NKAIN2: variants seen among roughly 807,000 people sequenced by gnomAD.
NKAIN2 encodes sodium/potassium transporting ATPase interacting 2.
In NKAIN2, 14 loss-of-function variants were observed where a neutral mutation model predicts 32.6. The ratio of observed to expected loss-of-function variants is 0.43; its 90% CI spans 0.28 to 0.67. The LOEUF is 0.67. NKAIN2 is among the 30% of genes least tolerant of loss of function. The pLI is 0.17. For synonymous variants in NKAIN2, 80 were observed against 87.2 expected (o/e 0.92, Z 0.46); for missense variants, 198 against 258.3 (o/e 0.77, Z 1.60).
intron 1 of NKAIN2, among the ~76,000 whole-genome samples, chr6:124,157,142 A>G (rs908259952): frequency 2.1e-5 from 3 of 145,018 alleles, no homozygotes; most frequent in African/African-American, 7.5e-5. Flanking sequence ...GACCTAACCA[A>G]AGCAGTAACA....
intron 4 of NKAIN2, among the ~76,000 whole-genome samples, chr6:124,777,398 C>A (rs1265833710): frequency 1.3e-5 from 2 of 152,122 alleles, no homozygotes; most frequent in Non-Finnish European, 2.9e-5. Context: ...TACCTATTAG[C>A]AGGTGACTTT....
In NKAIN2 at chr6:124,126,216, T is replaced by C. The variant is rs569357118; in HGVS notation, c.55-156789T>C. Among the ~76,000 whole-genome samples, 3 of 152,176 alleles carry C rather than the reference T, an allele frequency of 2.0e-5. No homozygotes were observed. The South Asian group carries it at 6.2e-4, about 32-fold the overall frequency. On this transcript the variant is annotated intron_variant, in intron 1 of 6. Transcript: ENST00000368417. ...GTCTATCTTTCTCCCTCTAATACTC[T>C]AGCTCCAAAAATATTTCAGTCACAC...
chr6:124,550,963 A>G (rs192386260), intron 3 of NKAIN2, among the ~76,000 whole-genome samples: 35 of 152,312 alleles, frequency 2.3e-4, no homozygotes, highest in African/African-American at 8.4e-4. Flanking sequence ...AGAGAGTAGA[A>G]TTCAACCTAA....
Position 123,964,893 on chromosome 6 carries a change from C to T in NKAIN2, c.54+160639C>T, listed in dbSNP as rs1159260761. Among the ~76,000 whole-genome samples, 1 of 152,168 alleles carries T rather than the reference C, an allele frequency of 6.6e-6. No individual in the cohort carries two copies. Among genetic ancestry groups the T allele is most frequent in the African/African-American group, 2.4e-5 (1 of 41,448 alleles). Reference sequence around the variant, plus strand: ...TTTTGCTCATGTTCTCACCTTGTACCTATCACCAGTTCCCTTTTTGCCCTC... The same window carrying T: ...TTTTGCTCATGTTCTCACCTTGTACTTATCACCAGTTCCCTTTTTGCCCTC... On this transcript the variant is annotated intron_variant, in intron 1 of 6. Coordinates refer to ENST00000368417, the MANE Select transcript of NKAIN2 (RefSeq NM_001040214.3). The surrounding 1 kb of genome is among the most constrained non-coding windows in gnomAD (Gnocchi z 4.0).
chr6:124,372,444 G>C (rs1346450345), intron 3 of NKAIN2, among the ~76,000 whole-genome samples: 3 of 152,046 alleles, frequency 2.0e-5, no homozygotes, highest in African/African-American at 7.2e-5. Context: ...GCCCTTCCCA[G>C]ATAGAGAAAA....
intron 3 of NKAIN2, among the ~76,000 whole-genome samples, chr6:124,603,153 A>G (rs1236572920): frequency 6.6e-6 from 1 of 152,012 alleles, no homozygotes; most frequent in Non-Finnish European, 1.5e-5. Flanking sequence ...AGAAAAAAAC[A>G]TAAAAACAAA....
chr6:124,002,077 G>C (rs1007182432), intron 1 of NKAIN2, among the ~76,000 whole-genome samples: 3 of 151,728 alleles, frequency 2.0e-5, no homozygotes, highest in African/African-American at 4.8e-5. Flanking sequence ...AGTTGAAAAA[G>C]GAAATATCTT....
intron 4 of NKAIN2, among the ~76,000 whole-genome samples, chr6:124,757,961 T>C (rs1023239398): frequency 1.3e-5 from 2 of 152,160 alleles, no homozygotes; most frequent in South Asian, 2.1e-4. Context: ...ATTCTCTTTA[T>C]TGAGGGAAGA....
At chr6:124,037,382 A>G (rs1198052078) in intron 1 of NKAIN2, among the ~76,000 whole-genome samples, 1 of 152,170 alleles carries the variant, frequency 6.6e-6, no homozygotes, top group African/African-American at 2.4e-5. Context: ...TTTTATATCA[A>G]TAATCTTTCT....
At chr6:124,086,247 C>G (rs1339117491) in intron 1 of NKAIN2, among the ~76,000 whole-genome samples, 10 of 151,900 alleles carry the variant, frequency 6.6e-5, no homozygotes, top group Admixed American at 2.0e-4. Flanking sequence ...GATGATTGAG[C>G]TTTTGTGTTT....
At chr6:124,709,025 T>C (rs1330644016) in intron 4 of NKAIN2, among the ~76,000 whole-genome samples, 4 of 134,550 alleles carry the variant, frequency 3.0e-5, no homozygotes, top group African/African-American at 1.2e-4. Flanking sequence ...CAATACCTAA[T>C]TTATTGAGAG....
At position 123,804,052 on chromosome 6, in the gene NKAIN2, C is replaced by G; in HGVS notation, c.-149C>G. On this transcript the variant is annotated 5_prime_UTR_variant, in exon 1 of 7. Coordinates refer to ENST00000368417, the MANE Select transcript of NKAIN2 (RefSeq NM_001040214.3). The stretch of plus-strand genomic sequence containing the variant: ...CGCCAGCAGGTCCTAATGCCTGTCA[C>G]TTCCCAGGACGCTGGCAGCAGCAGC... 1 of 783,434 alleles carries G rather than the reference C, an allele frequency of 1.3e-6. No homozygotes were observed. Among genetic ancestry groups the G allele is most frequent in the East Asian group, 2.4e-5 (1 of 41,014 alleles). 48.5% of individuals were successfully genotyped at this position (783,434 alleles called of 1,614,324 possible). A position where few individuals can be genotyped will look rare whatever the true frequency, so the allele number is the denominator to read the frequency against.
chr6:124,336,552 A>G (rs1224822230), intron 2 of NKAIN2, among the ~76,000 whole-genome samples: 1 of 152,202 alleles, frequency 6.6e-6, no homozygotes. Context: ...TTTTGTCAAC[A>G]GTAGCCCATT....
chr6:124,493,282 A>G (rs1051815731), intron 3 of NKAIN2, among the ~76,000 whole-genome samples: 1 of 152,032 alleles, frequency 6.6e-6, no homozygotes. Context: ...GATGAGTTCA[A>G]TGTCAGTGAA....
At chr6:124,184,802 T>C (rs1389283361) in intron 1 of NKAIN2, among the ~76,000 whole-genome samples, 1 of 152,132 alleles carries the variant, frequency 6.6e-6, no homozygotes, top group Non-Finnish European at 1.5e-5. Flanking sequence ...CTAAACCAAA[T>C]CCTTGTTAAA....
chr6:123,938,423 T>C (rs1776637026), intron 1 of NKAIN2, among the ~76,000 whole-genome samples: 1 of 42,276 alleles, frequency 2.4e-5, no homozygotes, highest in African/African-American at 1.4e-4. Flanking sequence ...TATATATATA[T>C]ATATATATAT....
intron 5 of NKAIN2, among the ~76,000 whole-genome samples, chr6:124,796,261 C>T (rs1779993467): frequency 2.0e-5 from 3 of 152,190 alleles, no homozygotes; most frequent in African/African-American, 7.2e-5. Context: ...TTGGTTTATC[C>T]TGAGGCCTCT....
At chr6:124,481,990 A>G (rs1390932927) in intron 3 of NKAIN2, among the ~76,000 whole-genome samples, 1 of 152,184 alleles carries the variant, frequency 6.6e-6, no homozygotes, top group Non-Finnish European at 1.5e-5. Flanking sequence ...AAATGTTCAA[A>G]AAGTTTTCTT....
chr6:124,513,091 C>T (rs1198148315), intron 3 of NKAIN2, among the ~76,000 whole-genome samples: 2 of 152,104 alleles, frequency 1.3e-5, no homozygotes, highest in African/African-American at 4.8e-5. Context: ...AAAAGACTCA[C>T]GGACTCTTTA....
Sources: allele counts gnomAD v4.1 joint callset (sites outside exome capture counted in the v4.1 genomes callset), GRCh38; gene constraint gnomAD v4.1.1; non-coding constraint Gnocchi (gnomAD v3.1); transcripts MANE v1.5; gene names NCBI Gene and HGNC (gene_info 2026-07-23, HGNC 2026-07-21).